LINGO2: variants seen among roughly 807,000 people sequenced by gnomAD.
LINGO2 encodes the protein leucine rich repeat and Ig domain containing 2, also known as leucine-rich repeat and immunoglobulin-like domain-containing nogo receptor-interacting protein 2.
Under a neutral mutation model 30.6 loss-of-function variants are expected in LINGO2, and 14 were observed. The observed-to-expected ratio is 0.46, with a 90% CI of 0.30 to 0.72. The LOEUF (loss-of-function observed/expected upper bound fraction) is 0.72. LINGO2 is among the 30% of genes least tolerant of loss of function. LINGO2 has a pLI of 0.07. For synonymous variants in LINGO2, 317 were observed against 288.5 expected (o/e 1.10, Z -1.00); for missense variants, 729 against 751.7 (o/e 0.97, Z 0.35).
the LINGO2 span, among the ~76,000 whole-genome samples, chr9:29,131,481 C>G: frequency 6.6e-6 from 1 of 151,996 alleles, no homozygotes; most frequent in Non-Finnish European, 1.5e-5. Flanking sequence ...CATCCCAATC[C>G]CCGCTCTATT....
At chr9:28,042,272 T>C (rs1271377379) in intron 4 of LINGO2, among the ~76,000 whole-genome samples, 1 of 152,158 alleles carries the variant, frequency 6.6e-6, no homozygotes, top group Non-Finnish European at 1.5e-5. Flanking sequence ...TTCACCCCAT[T>C]AATGTTAATC....
the LINGO2 span, among the ~76,000 whole-genome samples, chr9:29,005,229 A>T: frequency 6.6e-6 from 1 of 152,006 alleles, no homozygotes; most frequent in Non-Finnish European, 1.5e-5. Flanking sequence ...CTTGGAGTAG[A>T]TATGTTATAA....
At chr9:29,111,137 A>G in the LINGO2 span, among the ~76,000 whole-genome samples, 1 of 152,340 alleles carries the variant, frequency 6.6e-6, no homozygotes, top group East Asian at 1.9e-4. Context: ...CCTTTTTTAA[A>G]AAATCACTGT....
the LINGO2 span, among the ~76,000 whole-genome samples, chr9:29,044,230 T>C: frequency 3.3e-5 from 5 of 151,544 alleles, no homozygotes; most frequent in Non-Finnish European, 5.9e-5. Flanking sequence ...GTTATGTAAG[T>C]ATATAATAAT....
In LINGO2 at chr9:28,597,152, C is replaced by T. The variant is rs151166635; in HGVS notation, c.-365+73048G>A. Among the ~76,000 whole-genome samples, 26 of 152,268 alleles carry T rather than the reference C, an allele frequency of 1.7e-4. No individual in the cohort carries two copies. The East Asian group carries it at 4.8e-3, about 28-fold the overall frequency. On this transcript the variant is annotated intron_variant, in intron 1 of 5. Coordinates refer to ENST00000379992, the Ensembl canonical transcript of LINGO2. ...GATGAGTAATATTCCCTCCTCGAGG[C>T]ATGAAAGGGTGTGCCTGGGGACCAA...
intron 1 of LINGO2, among the ~76,000 whole-genome samples, chr9:28,512,238 A>G (rs1307584016): frequency 6.6e-6 from 1 of 152,030 alleles, no homozygotes; most frequent in African/African-American, 2.4e-5. Flanking sequence ...TGGTGACTTG[A>G]TGTCCCATAG....
At chr9:28,354,690 C>T (rs1430223295) in intron 3 of LINGO2, among the ~76,000 whole-genome samples, 1 of 152,076 alleles carries the variant, frequency 6.6e-6, no homozygotes, top group Admixed American at 6.6e-5. Flanking sequence ...CTTGTTTGAC[C>T]AATAGAAAAC....
At chr9:28,551,102 T>C (rs1406518840) in intron 1 of LINGO2, among the ~76,000 whole-genome samples, 1 of 151,846 alleles carries the variant, frequency 6.6e-6, no homozygotes, top group Non-Finnish European at 1.5e-5. Flanking sequence ...AGTAAAGTCA[T>C]TGAGTAGCCT....
At chr9:28,922,197 G>A in the LINGO2 span, among the ~76,000 whole-genome samples, 1 of 152,090 alleles carries the variant, frequency 6.6e-6, no homozygotes, top group African/African-American at 2.4e-5. Flanking sequence ...CAATAAACCA[G>A]TCCCACAATG....
intron 5 of LINGO2, among the ~76,000 whole-genome samples, chr9:27,992,552 C>T (rs564844430): frequency 3.3e-5 from 5 of 151,724 alleles, no homozygotes; most frequent in South Asian, 2.1e-4. Flanking sequence ...ATAATGAAGG[C>T]GAGACTAGGA....
chr9:29,080,336 C>G, the LINGO2 span, among the ~76,000 whole-genome samples: 1 of 151,818 alleles, frequency 6.6e-6, no homozygotes, highest in Non-Finnish European at 1.5e-5. Context: ...CCTCTCTTTT[C>G]TTCTTTATTA....
intron 2 of LINGO2, among the ~76,000 whole-genome samples, chr9:28,432,615 C>T (rs1182187709): frequency 6.6e-6 from 1 of 152,000 alleles, no homozygotes; most frequent in African/African-American, 2.4e-5. Flanking sequence ...AATTTGATTG[C>T]AGCTTCAGGG....
At chr9:28,648,296 T>C (rs1209626500) in intron 1 of LINGO2, among the ~76,000 whole-genome samples, 2 of 152,160 alleles carry the variant, frequency 1.3e-5, no homozygotes, top group African/African-American at 2.4e-5. Flanking sequence ...GAGCATAGAC[T>C]ATCCCAGAAT....
the LINGO2 span, among the ~76,000 whole-genome samples, chr9:28,951,095 ACAACC>A: frequency 3.9e-5 from 6 of 152,140 alleles, no homozygotes; most frequent in African/African-American, 1.2e-4. Context: ...CCACACATCT[ACAACC>A]ACCTGATCTT....
chr9:28,417,443 G>C (rs1260255743), intron 2 of LINGO2, among the ~76,000 whole-genome samples: 1 of 152,072 alleles, frequency 6.6e-6, no homozygotes, highest in Non-Finnish European at 1.5e-5. Context: ...TGTGGCATTG[G>C]CCTGAATAAT....
chr9:28,216,382 G>T (rs753195096), intron 4 of LINGO2, among the ~76,000 whole-genome samples: 16 of 151,880 alleles, frequency 1.1e-4, no homozygotes, highest in Admixed American at 7.9e-4. Flanking sequence ...TCTGGGAGGA[G>T]TGGTTGTTAG....
the LINGO2 span, among the ~76,000 whole-genome samples, chr9:29,164,069 A>G: frequency 6.6e-6 from 1 of 151,390 alleles, no homozygotes; most frequent in South Asian, 2.1e-4. Flanking sequence ...CCATGCTGTG[A>G]GGGAACCTAA....
chr9:28,436,661 G>T (rs7855157), intron 2 of LINGO2, among the ~76,000 whole-genome samples: 6,250 of 152,040 alleles, frequency 0.041, 433 homozygotes, highest in African/African-American at 0.14. Context: ...GTTTCACCGT[G>T]TTAGCCAGGA....
the LINGO2 span, among the ~76,000 whole-genome samples, chr9:29,181,889 A>C: frequency 6.6e-6 from 1 of 152,228 alleles, no homozygotes; most frequent in African/African-American, 2.4e-5. Context: ...TAATGCATTT[A>C]TTGAAGTCAG....
Sources: allele counts gnomAD v4.1 joint callset (sites outside exome capture counted in the v4.1 genomes callset), GRCh38; gene constraint gnomAD v4.1.1; transcripts MANE v1.5; gene names NCBI Gene and HGNC (gene_info 2026-07-23, HGNC 2026-07-21).